Variants in WNK3 observed in about 807,000 individuals in gnomAD.
WNK3 encodes the protein WNK lysine deficient protein kinase 3.
WNK3 carries 18 observed loss-of-function variants against 116.7 expected under a neutral mutation model. The ratio of observed to expected loss-of-function variants is 0.15; its 90% CI spans 0.11 to 0.23. The LOEUF (loss-of-function observed/expected upper bound fraction) is 0.23, where lower values mean the gene tolerates loss of function less well. WNK3 is among the 10% of genes least tolerant of loss of function. The pLI is 1.00. For missense variants in WNK3, 993 were observed against 1,323.8 expected (o/e 0.75, Z 3.88); for synonymous variants, 404 against 469.4 (o/e 0.86, Z 1.80).
chrX:54,214,933 A>C (rs2067665999), intron 22 of WNK3, among the ~76,000 whole-genome samples: 1 of 108,756 alleles, frequency 9.2e-6, no homozygotes, highest in Non-Finnish European at 1.9e-5. Context: ...AAATGGCGTG[A>C]ACCCAGGAGG....
At chrX:54,270,754 C>A (rs1437823271) in intron 10 of WNK3, among the ~76,000 whole-genome samples, 2 of 110,169 alleles carry the variant, frequency 1.8e-5, no homozygotes, top group Non-Finnish European at 3.8e-5. Flanking sequence ...CCTCAACAGG[C>A]CCGGTGTGTG....
At chrX:54,284,969 C>T (rs1423934452) in intron 10 of WNK3, among the ~76,000 whole-genome samples, 1 of 102,586 alleles carries the variant, frequency 9.7e-6, no homozygotes, top group Non-Finnish European at 2.0e-5. Flanking sequence ...AACTCCGTCT[C>T]AAAAAAGAAA....
At chrX:54,358,008 G>C (rs1384693764), upstream of WNK3, 1 of 109,284 alleles carries the variant, frequency 9.2e-6, no homozygotes, top group African/African-American at 3.3e-5. Flanking sequence ...GAGCTGAGCA[G>C]ACGCACGCGT....
intron 18 of WNK3, 124 bp from the exon 19 acceptor site, chrX:54,238,596 G>T: frequency 1.5e-6 from 1 of 689,139 alleles, no homozygotes; most frequent in Non-Finnish European, 2.1e-6. Flanking sequence ...ATTAAAAGGT[G>T]TTAATGTAAT....
At chrX:54,287,037 T>C (rs1018120766) in intron 10 of WNK3, among the ~76,000 whole-genome samples, 1 of 111,339 alleles carries the variant, frequency 9.0e-6, no homozygotes, top group Non-Finnish European at 1.9e-5. Flanking sequence ...AGTAAAATGA[T>C]TGAATATGCT....
intron 8 of WNK3, 34 bp downstream of exon 8, chrX:54,294,519 A>G (rs782563440): frequency 1.9e-6 from 2 of 1,067,944 alleles, no homozygotes; most frequent in African/African-American, 1.9e-5. Flanking sequence ...ATAATTGCAC[A>G]TGCGTTTGCT....
rs181123506 is a variant in WNK3 at position 54,256,173 on chromosome X, C to T, written c.2103-286G>A. Among the ~76,000 whole-genome samples the T allele has an allele frequency of 4.5e-3, 501 of 111,757 alleles. 2 individuals carry two copies. The highest frequency in any genetic ancestry group is 7.6e-3 in the Non-Finnish European group (402 of 53,160). The stretch of plus-strand genomic sequence containing the variant: ...ATTTAGCATTTAGCAAACCATCTCA[C>T]AGTGATGAGAATGAAAGAAAAATAT... On this transcript the variant is annotated intron_variant, in intron 11 of 23. Coordinates refer to ENST00000354646, the Ensembl canonical transcript of WNK3.
chrX:54,230,991 C>T (rs1373204409), intron 21 of WNK3, among the ~76,000 whole-genome samples: 5 of 112,416 alleles, frequency 4.4e-5, no homozygotes. Flanking sequence ...AAAAGATGAG[C>T]AGGGACAGTC....
chrX:54,202,746 G>T (rs2067514552), intron 22 of WNK3, among the ~76,000 whole-genome samples: 1 of 109,312 alleles, frequency 9.1e-6, no homozygotes, highest in Non-Finnish European at 1.9e-5. Context: ...GGTTACCTTA[G>T]GTATAAATCA....
intron 2 of WNK3, among the ~76,000 whole-genome samples, chrX:54,315,167 C>T (rs782278555): frequency 9.2e-6 from 1 of 109,029 alleles, no homozygotes; most frequent in African/African-American, 3.3e-5. Context: ...CATGGAGGCA[C>T]GTCCCAATAG....
At chrX:54,346,205 T>G (rs1430536643) in intron 1 of WNK3, among the ~76,000 whole-genome samples, 6 of 93,995 alleles carry the variant, frequency 6.4e-5, no homozygotes, top group African/African-American at 2.4e-4. Flanking sequence ...TAAATCACCT[T>G]GGGTGTTGAA....
intron 3 of WNK3, among the ~76,000 whole-genome samples, chrX:54,309,752 G>A (rs1043710927): frequency 8.1e-5 from 9 of 111,758 alleles, no homozygotes; most frequent in Non-Finnish European, 1.5e-4. Context: ...GGCTGGTCTT[G>A]AAATCCTGAC....
chrX:54,261,466 T>C (rs1557156687), intron 10 of WNK3, among the ~76,000 whole-genome samples: 1 of 111,271 alleles, frequency 9.0e-6, no homozygotes, highest in Non-Finnish European at 1.9e-5. Context: ...GTGTTGCATA[T>C]TGATATAATG....
exon 19 of WNK3, chrX:54,238,352 C>A (rs1754691579): frequency 8.3e-7 from 1 of 1,203,775 alleles, no homozygotes; most frequent in South Asian, 1.8e-5. Context: ...CTGGAACCGA[C>A]CCCGCTGAAA....
At chrX:54,358,493 A>G (rs1215430982), upstream of WNK3, 1 of 111,065 alleles carries the variant, frequency 9.0e-6, no homozygotes, top group Non-Finnish European at 1.9e-5. Context: ...TTCGCCCGCC[A>G]CCCCTGACTC....
chrX:54,307,928 T>C (rs1557168979), exon 5 of WNK3: 2 of 1,185,832 alleles, frequency 1.7e-6, no homozygotes, highest in African/African-American at 3.5e-5. Flanking sequence ...CTACACTAGT[T>C]ACTTTCCGGT....
At chrX:54,352,026 T>TA (rs1459522558) in intron 1 of WNK3, among the ~76,000 whole-genome samples, 2 of 111,852 alleles carry the variant, frequency 1.8e-5, no homozygotes, top group Admixed American at 1.9e-4. Flanking sequence ...GTATATTTTT[T>TA]AAAAAACTCT....
At chrX:54,265,226 C>A (rs1300255622) in intron 10 of WNK3, among the ~76,000 whole-genome samples, 2 of 111,249 alleles carry the variant, frequency 1.8e-5, no homozygotes, top group African/African-American at 6.5e-5. Context: ...GTGGCTCATG[C>A]CTGTAATGCC....
At chrX:54,292,470 C>T (rs1376727619) in intron 10 of WNK3, among the ~76,000 whole-genome samples, 3 of 110,356 alleles carry the variant, frequency 2.7e-5, no homozygotes, top group African/African-American at 9.9e-5. Flanking sequence ...TTTGGGAGGC[C>T]GAGGCAGGCG....
Sources: allele counts gnomAD v4.1 joint callset (sites outside exome capture counted in the v4.1 genomes callset), GRCh38; gene constraint gnomAD v4.1.1; transcripts MANE v1.5; gene names NCBI Gene and HGNC (gene_info 2026-07-23, HGNC 2026-07-21).